The following KCNMA1 variants were observed in gnomAD, a reference collection of about 807,000 sequenced individuals.
The protein encoded by KCNMA1 is potassium calcium-activated channel subfamily M alpha 1, also known as Calcium-activated potassium channel subunit alpha-1.
KCNMA1 carries 29 observed loss-of-function variants against 140.0 expected under a neutral mutation model. The observed-to-expected ratio is 0.21, with a 90% CI of 0.15 to 0.28. The LOEUF is 0.28. Among genes scored for constraint, KCNMA1 ranks in the 10% least tolerant of loss-of-function variants. KCNMA1 has a pLI of 1.00. For synonymous variants in KCNMA1, 612 were observed against 611.9 expected (o/e 1.00, Z 0.00); for missense variants, 880 against 1,602.2 (o/e 0.55, Z 7.70).
At chr10:77,240,044 T>G (rs2056852409) in intron 3 of KCNMA1, among the ~76,000 whole-genome samples, 1 of 152,188 alleles carries the variant, frequency 6.6e-6, no homozygotes, top group Non-Finnish European at 1.5e-5. Flanking sequence ...AATCAACTCT[T>G]CTTTGGTCAA....
chr10:77,211,134 C>CA (rs1054747936), intron 3 of KCNMA1, among the ~76,000 whole-genome samples: 1 of 151,764 alleles, frequency 6.6e-6, no homozygotes, highest in African/African-American at 2.4e-5. Context: ...AAAACAAAAA[C>CA]AAAAAAACAA....
rs202187466 is a variant in KCNMA1, at chr10:76,886,963, C to A, written c.*303G>T. Reference sequence around the variant, plus strand: ...AACTGACGTTGATCACAAGTGCTCCCTTCTAATCTGTGAACTCGTTCCTGC... The same window carrying A: ...AACTGACGTTGATCACAAGTGCTCCATTCTAATCTGTGAACTCGTTCCTGC... On this transcript the variant is annotated 3_prime_UTR_variant, in exon 28 of 28. Coordinates refer to ENST00000286628, the MANE Select transcript of KCNMA1 (RefSeq NM_001161352.2). The A allele has an allele frequency of 3.0e-5, 37 of 1,238,118 alleles. No homozygotes were observed. In the African/African-American group the frequency reaches 5.0e-4, roughly 17 times the overall value. 76.7% of individuals were successfully genotyped at this position (1,238,118 alleles called of 1,614,324 possible). A position where few individuals can be genotyped will look rare whatever the true frequency, so the allele number is the denominator to read the frequency against.
At chr10:77,073,327 C>T in intron 13 of KCNMA1, 75 bp from the exon 14 acceptor site, 3 of 1,473,020 alleles carry the variant, frequency 2.0e-6, no homozygotes, top group Non-Finnish European at 2.8e-6. Flanking sequence ...CTGGGAAATG[C>T]AGCATTGCCC....
chr10:77,554,111 C>G (rs952427857), intron 1 of KCNMA1, among the ~76,000 whole-genome samples: 3 of 152,148 alleles, frequency 2.0e-5, no homozygotes, highest in African/African-American at 7.2e-5. Context: ...TCAAAGCAAG[C>G]TGAGTAAATC....
At chr10:77,187,644 G>C (rs1466403134) in intron 3 of KCNMA1, among the ~76,000 whole-genome samples, 1 of 152,202 alleles carries the variant, frequency 6.6e-6, no homozygotes, top group East Asian at 1.9e-4. Context: ...TCAATAATAT[G>C]AGGGGGCAGG....
intron 3 of KCNMA1, chr10:77,250,783 C>T: frequency 4.4e-6 from 1 of 227,110 alleles, no homozygotes. Context: ...GCATTGGAAA[C>T]CCAATTGAGA....
At chr10:77,295,774 C>T (rs922237443) in intron 2 of KCNMA1, among the ~76,000 whole-genome samples, 5 of 96,258 alleles carry the variant, frequency 5.2e-5, no homozygotes, top group Non-Finnish European at 7.2e-5. Context: ...GGCGACAGAG[C>T]GAGACTCCGT....
At chr10:77,159,267 T>C (rs566309266) in intron 5 of KCNMA1, among the ~76,000 whole-genome samples, 3 of 152,364 alleles carry the variant, frequency 2.0e-5, no homozygotes, top group South Asian at 4.1e-4. Context: ...TTCTTGCTTT[T>C]GTTTTAGGAA....
chr10:77,316,402 G>T (rs1268233303), intron 2 of KCNMA1, among the ~76,000 whole-genome samples: 4 of 152,184 alleles, frequency 2.6e-5, no homozygotes, highest in South Asian at 2.1e-4. Context: ...GCATGAAAAG[G>T]AAGACTCGTT....
intron 5 of KCNMA1, among the ~76,000 whole-genome samples, chr10:77,122,950 G>A (rs535185823): frequency 7.5e-4 from 114 of 151,800 alleles, no homozygotes; most frequent in African/African-American, 2.5e-3. Context: ...AGGCCGAGGC[G>A]GGAGGATCAC....
At chr10:77,340,135 A>T (rs1447383599) in intron 2 of KCNMA1, among the ~76,000 whole-genome samples, 2 of 152,256 alleles carry the variant, frequency 1.3e-5, no homozygotes, top group Non-Finnish European at 2.9e-5. Context: ...TGGCCATCAG[A>T]GAAATGCAAA....
intron 9 of KCNMA1, among the ~76,000 whole-genome samples, chr10:77,093,839 C>T (rs2153805768): frequency 6.6e-6 from 1 of 152,224 alleles, no homozygotes; most frequent in East Asian, 1.9e-4. Flanking sequence ...AAAAAAGATC[C>T]CCATCCAAAG....
intron 19 of KCNMA1, among the ~76,000 whole-genome samples, chr10:76,971,924 G>A (rs974228444): frequency 6.6e-6 from 1 of 152,136 alleles, no homozygotes; most frequent in Non-Finnish European, 1.5e-5. Context: ...CAGGATAGGG[G>A]ACCAGGCATC....
chr10:77,635,577 T>C (rs1358187781), intron 1 of KCNMA1: 2 of 152,210 alleles, frequency 1.3e-5, no homozygotes, highest in East Asian at 1.9e-4. Context: ...TGTGGGAATT[T>C]GAAGGCTCCA....
intron 1 of KCNMA1, among the ~76,000 whole-genome samples, chr10:77,581,807 C>T (rs1190692316): frequency 6.6e-6 from 1 of 152,216 alleles, no homozygotes; most frequent in Non-Finnish European, 1.5e-5. Context: ...AGGACAGGGG[C>T]CAGCCCAGTC....
At chr10:77,337,745 C>T (rs1358377468) in intron 2 of KCNMA1, among the ~76,000 whole-genome samples, 1 of 152,186 alleles carries the variant, frequency 6.6e-6, no homozygotes, top group African/African-American at 2.4e-5. Flanking sequence ...AGGCATGCAG[C>T]AGGATTACAT....
At chr10:77,622,103 C>A (rs915933373) in intron 1 of KCNMA1, among the ~76,000 whole-genome samples, 1 of 152,084 alleles carries the variant, frequency 6.6e-6, no homozygotes, top group African/African-American at 2.4e-5. Context: ...TAGCCCACTG[C>A]CTGTCAGGTA....
chr10:77,384,888 A>G (rs527471199), intron 2 of KCNMA1, among the ~76,000 whole-genome samples: 1 of 152,370 alleles, frequency 6.6e-6, no homozygotes, highest in African/African-American at 2.4e-5. Context: ...TTGAATGAGA[A>G]GCACCATGGT....
At chr10:77,635,523 C>G (rs929008041) in intron 1 of KCNMA1, 1 of 152,052 alleles carries the variant, frequency 6.6e-6, no homozygotes, top group African/African-American at 2.4e-5. Context: ...ACAAAATTCC[C>G]GAGACTGTTG....
Sources: gnomAD v4.1 joint callset for allele counts (sites outside exome capture counted in the v4.1 genomes callset) on GRCh38, gnomAD v4.1.1 for gene constraint, MANE v1.5 for transcripts, NCBI Gene and HGNC (gene_info 2026-07-23, HGNC 2026-07-21) for gene names.